The following FAM117B variants were observed in gnomAD, a reference collection of about 807,000 sequenced individuals.
FAM117B encodes family with sequence similarity 117 member B.
A neutral mutation model predicts 52.8 loss-of-function variants in FAM117B; 22 were observed. That is an observed-to-expected ratio of 0.42 (90% CI 0.30 to 0.59). FAM117B has a LOEUF of 0.59. FAM117B is among the 20% of genes least tolerant of loss of function. The pLI, the probability that FAM117B is intolerant of heterozygous loss-of-function variation, is 0.22. For synonymous variants in FAM117B, 309 were observed against 324.1 expected (o/e 0.95, Z 0.50); for missense variants, 678 against 802.6 (o/e 0.84, Z 1.88).
At chr2:202,677,256 T>C (rs1417975821) in intron 1 of FAM117B, among the ~76,000 whole-genome samples, 1 of 151,898 alleles carries the variant, frequency 6.6e-6, no homozygotes, top group Admixed American at 6.6e-5. Context: ...TTAGTAGAGA[T>C]GGAGTTTCAC....
In FAM117B at chr2:202,635,197, C is replaced by A. The variant is rs1689656478; in HGVS notation, c.10C>A (p.Arg4=). The A allele has an allele frequency of 1.6e-6, 2 of 1,283,318 alleles. No individual in the cohort carries two copies. The highest frequency in any genetic ancestry group is 6.2e-5 in the East Asian group (2 of 32,016). 79.5% of individuals were successfully genotyped at this position (1,283,318 alleles called of 1,614,324 possible). A position where few individuals can be genotyped will look rare whatever the true frequency, so the allele number is the denominator to read the frequency against. The change falls in exon 1 of 8, where the codon CGG becomes AGG. Residue 4 remains arginine, a synonymous_variant. Coordinates refer to ENST00000392238, the MANE Select transcript of FAM117B (RefSeq NM_173511.4). MSQ[R]VRRNGSPTPA... ...GGGGAGGGGGGGGACCATGTCCCAG[C>A]GGGTGAGGCGCAATGGGTCCCCCAC...
At chr2:202,724,136 C>A (rs1691198717) in intron 2 of FAM117B, among the ~76,000 whole-genome samples, 1 of 139,120 alleles carries the variant, frequency 7.2e-6, no homozygotes, top group African/African-American at 2.7e-5. Context: ...CGGCTCACTG[C>A]AATCTCCACC....
At chr2:202,644,064 G>GTTTTTTTTTTTTTTTTTTTTCTTTTTT (rs1689818012) in intron 1 of FAM117B, among the ~76,000 whole-genome samples, 1 of 95,138 alleles carries the variant, frequency 1.1e-5, no homozygotes, top group African/African-American at 4.5e-5. Context: ...TTTTTTTTTT[G>GTTTTTTTTTTTTTTTTTTTTCTTTTTT]TTTTTTTTTT....
chr2:202,741,559 C>T (rs969515553), intron 4 of FAM117B, among the ~76,000 whole-genome samples: 18 of 144,958 alleles, frequency 1.2e-4, no homozygotes, highest in Admixed American at 2.1e-4. Flanking sequence ...TTTTTTGAGA[C>T]GGAGTCTTGC....
intron 4 of FAM117B, among the ~76,000 whole-genome samples, chr2:202,747,015 T>C (rs1317897655): frequency 6.7e-6 from 1 of 148,724 alleles, no homozygotes; most frequent in African/African-American, 2.5e-5. Flanking sequence ...TGAACATAGA[T>C]GCAAAAATCC....
At chr2:202,672,239 G>A (rs1286134058) in intron 1 of FAM117B, among the ~76,000 whole-genome samples, 1 of 152,316 alleles carries the variant, frequency 6.6e-6, no homozygotes, top group African/African-American at 2.4e-5. Context: ...TTGAGAAGGA[G>A]TCTTGCTCTG....
intron 1 of FAM117B, among the ~76,000 whole-genome samples, chr2:202,680,910 A>G (rs1690452595): frequency 1.3e-5 from 2 of 152,228 alleles, no homozygotes. Flanking sequence ...ATAGTCAATT[A>G]ATGGTAAGAT....
intron 2 of FAM117B, among the ~76,000 whole-genome samples, chr2:202,718,331 T>G (rs1376079417): frequency 6.6e-6 from 1 of 152,230 alleles, no homozygotes; most frequent in Non-Finnish European, 1.5e-5. Flanking sequence ...TTGAATATGG[T>G]GTTAGCTGTG....
At chr2:202,699,818 A>C (rs1379929143) in intron 2 of FAM117B, among the ~76,000 whole-genome samples, 2 of 152,168 alleles carry the variant, frequency 1.3e-5, no homozygotes, top group Non-Finnish European at 1.5e-5. Flanking sequence ...GTTTGTGGCA[A>C]CTCTGCCCTG....
intron 3 of FAM117B, among the ~76,000 whole-genome samples, chr2:202,725,383 A>G (rs1400127837): frequency 6.7e-6 from 1 of 148,220 alleles, no homozygotes; most frequent in African/African-American, 2.5e-5. Flanking sequence ...CAGTGGTGCG[A>G]TCTTGGCTCA....
chr2:202,659,604 CTTTTT>C (rs71030981), intron 1 of FAM117B, among the ~76,000 whole-genome samples: 2 of 62,312 alleles, frequency 3.2e-5, no homozygotes, highest in South Asian at 6.6e-4. Flanking sequence ...AGCCACCGTG[CTTTTT>C]TTTTTTTTTT....
At chr2:202,698,651 G>A (rs1183668764) in intron 2 of FAM117B, among the ~76,000 whole-genome samples, 1 of 152,102 alleles carries the variant, frequency 6.6e-6, no homozygotes, top group East Asian at 1.9e-4. Context: ...TCAAACTCCT[G>A]ACCTCAGGTG....
chr2:202,699,450 A>AAAAAAAAAAAAAAAAAAAAAAAAAAAAT (rs1690765501), intron 2 of FAM117B, among the ~76,000 whole-genome samples: 1 of 77,674 alleles, frequency 1.3e-5, no homozygotes, highest in Admixed American at 1.3e-4. Context: ...AAAAAAAAAG[A>AAAAAAAAAAAAAAAAAAAAAAAAAAAAT]AAAAAAAAAA....
intron 4 of FAM117B, among the ~76,000 whole-genome samples, chr2:202,749,758 ATC>A (rs1443153009): frequency 6.6e-6 from 1 of 151,946 alleles, no homozygotes; most frequent in Non-Finnish European, 1.5e-5. Context: ...GTGAGACCCT[ATC>A]TCTAATTATA....
intron 2 of FAM117B, among the ~76,000 whole-genome samples, chr2:202,699,565 A>G (rs987969291): frequency 2.0e-5 from 3 of 151,424 alleles, no homozygotes; most frequent in Non-Finnish European, 2.9e-5. Context: ...TTTCAGTTAC[A>G]TGGTGGGCTC....
At chr2:202,644,120 G>C in intron 1 of FAM117B, among the ~76,000 whole-genome samples, 1 of 131,882 alleles carries the variant, frequency 7.6e-6, no homozygotes, top group Middle Eastern at 4.4e-3. Flanking sequence ...TGCTACTGTG[G>C]AAAATGTACA....
rs1054912715 is a variant in FAM117B, at chr2:202,647,017, C to T, written c.601+11229C>T. On this transcript the variant is annotated intron_variant, in intron 1 of 7. Transcript: ENST00000392238. ...AAATGTGCAGTTAAGCTTAGCTTAC[C>T]TTTCTTGAAATTAATCTCTTCCCTT... 1.5e-4 allele frequency among the ~76,000 whole-genome samples: 23 copies of T among 152,092 alleles called. No homozygotes were observed. The East Asian group carries it at 4.4e-3, about 29-fold the overall frequency.
chr2:202,719,733 G>A (rs73992654), intron 2 of FAM117B, among the ~76,000 whole-genome samples: 12,466 of 152,082 alleles, frequency 0.082, 1,701 homozygotes, highest in African/African-American at 0.28. Flanking sequence ...AATTTCCCCT[G>A]TAAGCTAGGA....
intron 1 of FAM117B, among the ~76,000 whole-genome samples, chr2:202,667,889 G>GCTTCT (rs1690229383): frequency 1.3e-5 from 2 of 151,624 alleles, no homozygotes; most frequent in Non-Finnish European, 2.9e-5. Flanking sequence ...GAGGTTATAG[G>GCTTCT]GTGATAATAG....
Sources: allele counts gnomAD v4.1 joint callset (sites outside exome capture counted in the v4.1 genomes callset), GRCh38; gene constraint gnomAD v4.1.1; transcripts MANE v1.5; gene names NCBI Gene and HGNC (gene_info 2026-07-23, HGNC 2026-07-21).